Variants in COG5 observed in about 807,000 individuals in gnomAD.
The protein encoded by COG5 is component of oligomeric golgi complex 5.
COG5 carries 86 observed loss-of-function variants against 110.4 expected under a neutral mutation model. The observed-to-expected ratio is 0.78, with a 90% confidence interval of 0.65 to 0.93. The LOEUF is 0.93. COG5 is among the 40% of genes least tolerant of loss of function. The pLI is 0.00. For missense variants in COG5, 1,077 were observed against 987.0 expected (o/e 1.09, Z -1.22); for synonymous variants, 360 against 334.6 (o/e 1.08, Z -0.83).
chr7:107,335,986 T>C (rs544434775), intron 10 of COG5, among the ~76,000 whole-genome samples: 111 of 152,154 alleles, frequency 7.3e-4, no homozygotes, highest in Middle Eastern at 3.4e-3. Flanking sequence ...CGTTAACGTA[T>C]CTAAAAGGAG....
At chr7:107,221,806 A>G (rs570854331) in intron 19 of COG5, among the ~76,000 whole-genome samples, 49 of 151,990 alleles carry the variant, frequency 3.2e-4, no homozygotes, top group African/African-American at 9.2e-4. Flanking sequence ...TCTCTTAGGA[A>G]TTGATACATT....
Position 107,203,536 on chromosome 7 carries a change from C to A in COG5, c.2470G>T (p.Ala824Ser), listed in dbSNP as rs1798514537. ...TGTCATTACTGAAGAGCAGACATAG[C>A]CTTTTGAAGCAGCTGAACCATTATG... is the stretch of plus-strand genomic sequence containing the variant. ...YPIMVQLLQK[A>S]MSALQ Residue 824 changes from alanine (A) to serine (S), a missense_variant, in exon 22 of 22, where the codon GCT becomes TCT. Transcript: ENST00000297135. 3.1e-6 allele frequency: 5 copies of A among 1,612,730 alleles called. No individual in the cohort carries two copies. The highest frequency in any genetic ancestry group is 1.3e-5 in the African/African-American group (1 of 74,880).
At chr7:107,246,920 G>A (rs1349240851) in intron 17 of COG5, among the ~76,000 whole-genome samples, 1 of 152,124 alleles carries the variant, frequency 6.6e-6, no homozygotes, top group Non-Finnish European at 1.5e-5. Flanking sequence ...ATATGCATGT[G>A]CATGTTCATC....
chr7:107,466,394 T>G (rs955712027), intron 6 of COG5, among the ~76,000 whole-genome samples: 3 of 152,134 alleles, frequency 2.0e-5, no homozygotes, highest in Non-Finnish European at 4.4e-5. Context: ...GGCAAATGAC[T>G]TACAAACACA....
intron 7 of COG5, among the ~76,000 whole-genome samples, chr7:107,406,875 C>T (rs1407990014): frequency 6.6e-6 from 1 of 152,128 alleles, no homozygotes; most frequent in Non-Finnish European, 1.5e-5. Context: ...AGTATATATA[C>T]ATAAGGTTTC....
intron 10 of COG5, among the ~76,000 whole-genome samples, chr7:107,343,691 AC>A (rs1190981276): frequency 1.3e-5 from 2 of 152,138 alleles, no homozygotes; most frequent in Admixed American, 1.3e-4. Context: ...AAAACAAAAA[AC>A]AAAAAAACCC....
At chr7:107,558,519 G>A (rs1345980656) in intron 1 of COG5, among the ~76,000 whole-genome samples, 2 of 152,164 alleles carry the variant, frequency 1.3e-5, no homozygotes, top group East Asian at 3.9e-4. Context: ...TGGAAGAATA[G>A]CTTGAACCCG....
At chr7:107,353,293 C>T (rs111265827) in intron 10 of COG5, among the ~76,000 whole-genome samples, 2 of 151,270 alleles carry the variant, frequency 1.3e-5, no homozygotes, top group African/African-American at 2.4e-5. Context: ...GGCGAGGTGG[C>T]GGGCACCTGT....
Position 107,202,774 on chromosome 7 carries a change from T to C in COG5, c.*742A>G, listed in dbSNP as rs921960082. 1.3e-5 allele frequency: 2 copies of C among 152,156 alleles called. No individual in the cohort carries two copies. The highest frequency in any genetic ancestry group is 2.9e-5 in the Non-Finnish European group (2 of 68,028). 9.4% of individuals were successfully genotyped at this position (152,156 alleles called of 1,614,324 possible). Reference sequence around the variant, plus strand: ...AATTGCTATACAATAAAAATTTTTATTTTTCACGTGGCATTTTTGTTACAC... The same window carrying C: ...AATTGCTATACAATAAAAATTTTTACTTTTCACGTGGCATTTTTGTTACAC... On this transcript the variant is annotated 3_prime_UTR_variant, in exon 22 of 22. Coordinates refer to ENST00000297135, the MANE Select transcript of COG5 (RefSeq NM_006348.5).
intron 6 of COG5, among the ~76,000 whole-genome samples, chr7:107,455,164 T>C (rs1795583090): frequency 6.6e-6 from 1 of 152,140 alleles, no homozygotes; most frequent in Non-Finnish European, 1.5e-5. Context: ...AGGAATAAAG[T>C]GAGAAGAGAG....
intron 10 of COG5, among the ~76,000 whole-genome samples, chr7:107,341,827 T>G (rs150265751): frequency 3.3e-5 from 5 of 152,206 alleles, no homozygotes; most frequent in African/African-American, 1.2e-4. Context: ...TGGTAAGCCA[T>G]AGGCAGAAGA....
chr7:107,270,509 C>T (rs1804168093), intron 14 of COG5, among the ~76,000 whole-genome samples: 1 of 152,162 alleles, frequency 6.6e-6, no homozygotes, highest in Admixed American at 6.5e-5. Context: ...GATCCACCTG[C>T]CTTGGCCTCT....
chr7:107,468,892 T>C (rs897938501), intron 6 of COG5, among the ~76,000 whole-genome samples: 1 of 151,996 alleles, frequency 6.6e-6, no homozygotes, highest in Non-Finnish European at 1.5e-5. Flanking sequence ...CCAGCTGTTT[T>C]ATCTACTTAA....
chr7:107,529,184 C>T (rs1278938491), intron 5 of COG5, among the ~76,000 whole-genome samples: 2 of 152,108 alleles, frequency 1.3e-5, no homozygotes, highest in African/African-American at 4.8e-5. Context: ...ATTGAAAAGT[C>T]ACCCTCGTAT....
intron 7 of COG5, among the ~76,000 whole-genome samples, chr7:107,401,565 G>A (rs566163315): frequency 5.3e-5 from 8 of 152,094 alleles, no homozygotes; most frequent in Non-Finnish European, 8.8e-5. Flanking sequence ...AGGTCATAAA[G>A]GAAATACGCG....
intron 21 of COG5, chr7:107,208,259 T>G: frequency 1.0e-6 from 1 of 985,398 alleles, no homozygotes; most frequent in Non-Finnish European, 1.2e-6. Context: ...TATGCCTTTT[T>G]AAAAAAGCAT....
intron 6 of COG5, chr7:107,473,061 A>G (rs372569988): frequency 6.6e-6 from 1 of 151,924 alleles, no homozygotes; most frequent in African/African-American, 2.4e-5. Flanking sequence ...AATGGGTGAT[A>G]TATACAAAAG....
chr7:107,259,715 G>A (rs1283509488), intron 14 of COG5, among the ~76,000 whole-genome samples: 2 of 152,090 alleles, frequency 1.3e-5, no homozygotes, highest in Non-Finnish European at 2.9e-5. Flanking sequence ...AATCAATTTT[G>A]AAGAACAAAG....
Position 107,230,603 on chromosome 7 carries a change from A to G in COG5, c.2168+12T>C, listed in dbSNP as rs1405404858. 5 of 1,593,310 alleles carry G rather than the reference A, an allele frequency of 3.1e-6. No individual in the cohort carries two copies. Among genetic ancestry groups the G allele is most frequent in the Middle Eastern group, 1.7e-4 (1 of 6,026 alleles). ...GAGGATATGAATGTATGAACAAAGA[A>G]TTCGGTCTTACCTGAATGATCTCAG... On this transcript the variant is annotated intron_variant, in intron 19 of 21. Transcript: ENST00000297135.
Sources: gnomAD v4.1 joint callset for allele counts (sites outside exome capture counted in the v4.1 genomes callset) on GRCh38, gnomAD v4.1.1 for gene constraint, MANE v1.5 for transcripts, NCBI Gene and HGNC (gene_info 2026-07-23, HGNC 2026-07-21) for gene names.